GALNT1: variants seen among roughly 807,000 people sequenced by gnomAD.
The protein encoded by GALNT1 is polypeptide N-acetylgalactosaminyltransferase 1.
In GALNT1, 17 loss-of-function variants were observed where a neutral mutation model predicts 65.7. The ratio of observed to expected loss-of-function variants is 0.26; its 90% CI spans 0.18 to 0.39. The LOEUF (loss-of-function observed/expected upper bound fraction) is 0.39. GALNT1 is among the 10% of genes least tolerant of loss of function. The pLI is 1.00. For synonymous variants in GALNT1, 210 were observed against 219.7 expected (o/e 0.96, Z 0.39); for missense variants, 460 against 672.8 (o/e 0.68, Z 3.50).
At chr18:35,605,561 T>A (rs1267983559) in intron 1 of GALNT1, among the ~76,000 whole-genome samples, 1 of 152,052 alleles carries the variant, frequency 6.6e-6, no homozygotes, top group African/African-American at 2.4e-5. Flanking sequence ...TTTTATTTTT[T>A]AAAACTCTTA....
At chr18:35,594,518 T>G (rs912997478) in intron 1 of GALNT1, among the ~76,000 whole-genome samples, 1 of 152,094 alleles carries the variant, frequency 6.6e-6, no homozygotes, top group Non-Finnish European at 1.5e-5. Context: ...TTGCCAGTGT[T>G]TCAGAACTTT....
At chr18:35,628,664 C>T (rs1002533144) in intron 1 of GALNT1, among the ~76,000 whole-genome samples, 1 of 152,248 alleles carries the variant, frequency 6.6e-6, no homozygotes, top group East Asian at 1.9e-4. Flanking sequence ...GAGCACCTCT[C>T]CTCCTCCAAG....
At chr18:35,585,409 C>T (rs1242943945) in intron 1 of GALNT1, among the ~76,000 whole-genome samples, 1 of 152,158 alleles carries the variant, frequency 6.6e-6, no homozygotes, top group Non-Finnish European at 1.5e-5. Context: ...TGATTTATGC[C>T]TCTTGAGTGT....
At chr18:35,628,478 A>C (rs1239077526) in intron 1 of GALNT1, among the ~76,000 whole-genome samples, 2 of 152,226 alleles carry the variant, frequency 1.3e-5, no homozygotes, top group Non-Finnish European at 2.9e-5. Context: ...GACCTCCAGC[A>C]AACTCCAAGA....
intron 6 of GALNT1, among the ~76,000 whole-genome samples, chr18:35,687,461 C>T (rs1463363679): frequency 6.6e-6 from 1 of 152,088 alleles, no homozygotes; most frequent in Non-Finnish European, 1.5e-5. Context: ...TTTGCAAATG[C>T]GTCAGATCTG....
At chr18:35,588,790 G>C (rs931076780) in intron 1 of GALNT1, among the ~76,000 whole-genome samples, 1 of 151,696 alleles carries the variant, frequency 6.6e-6, no homozygotes, top group Admixed American at 6.6e-5. Flanking sequence ...GAGGCTTTTT[G>C]TTTATTTATT....
At chr18:35,639,962 A>T (rs1018308476) in intron 1 of GALNT1, among the ~76,000 whole-genome samples, 17 of 151,928 alleles carry the variant, frequency 1.1e-4, no homozygotes, top group African/African-American at 3.4e-4. Flanking sequence ...ACAGCCGGCT[A>T]ATTTTTGTAT....
intron 1 of GALNT1, among the ~76,000 whole-genome samples, chr18:35,654,322 T>C (rs1195899413): frequency 1.3e-5 from 2 of 152,128 alleles, no homozygotes; most frequent in East Asian, 3.8e-4. Context: ...TATTTTCCTA[T>C]TGGATTGTTG....
At chr18:35,699,908 A>G (rs2048127878) in intron 9 of GALNT1, among the ~76,000 whole-genome samples, 1 of 152,196 alleles carries the variant, frequency 6.6e-6, no homozygotes, top group African/African-American at 2.4e-5. Context: ...TTGGTTATAT[A>G]GTCTTAAAGC....
At chr18:35,703,670 TAA>T (rs1344625833) in intron 11 of GALNT1, 27 bp downstream of exon 11, 31 of 1,608,792 alleles carry the variant, frequency 1.9e-5, no homozygotes, top group Non-Finnish European at 2.5e-5. Flanking sequence ...CCTATAGTAA[TAA>T]AATTATGTGT....
intron 1 of GALNT1, among the ~76,000 whole-genome samples, chr18:35,608,739 ATAAATGCAG>A (rs2144025650): frequency 6.6e-6 from 1 of 152,350 alleles, no homozygotes; most frequent in East Asian, 1.9e-4. Flanking sequence ...ATATAGTATG[ATAAATGCAG>A]TAATAAAGAT....
intron 7 of GALNT1, among the ~76,000 whole-genome samples, chr18:35,690,448 A>G (rs1175279570): frequency 1.3e-5 from 2 of 152,198 alleles, no homozygotes; most frequent in Admixed American, 1.3e-4. Context: ...TACATTCTGC[A>G]CACACAAAAC....
At position 35,710,011 on chromosome 18, in the gene GALNT1, G is replaced by C; in HGVS notation, c.*241G>C. On this transcript the variant is annotated 3_prime_UTR_variant, in exon 12 of 12. Coordinates refer to ENST00000269195, the MANE Select transcript of GALNT1 (RefSeq NM_020474.4). ...TGTGCACACTGATGTTTACAAGATTGAAAGAGTCTTTCTCCGAAAATCATG... is the reference window on the plus strand; with the variant it reads ...TGTGCACACTGATGTTTACAAGATTCAAAGAGTCTTTCTCCGAAAATCATG... 1 of 402,232 alleles carries C rather than the reference G, an allele frequency of 2.5e-6. No individual in the cohort carries two copies. 24.9% of individuals were successfully genotyped at this position (402,232 alleles called of 1,614,324 possible). A position where few individuals can be genotyped will look rare whatever the true frequency, so the allele number is the denominator to read the frequency against.
intron 1 of GALNT1, among the ~76,000 whole-genome samples, chr18:35,645,304 C>A (rs7235721): frequency 7.1e-6 from 1 of 140,926 alleles, no homozygotes; most frequent in Non-Finnish European, 1.5e-5. Flanking sequence ...AATCTCAGCT[C>A]ACTGCAAGTT....
intron 1 of GALNT1, among the ~76,000 whole-genome samples, chr18:35,630,500 A>G (rs1318150016): frequency 6.6e-6 from 1 of 152,206 alleles, no homozygotes; most frequent in Non-Finnish European, 1.5e-5. Context: ...GTTCTTTGAA[A>G]CCAGCAAGAA....
chr18:35,685,734 C>T (rs533447156), intron 5 of GALNT1, among the ~76,000 whole-genome samples: 1 of 152,190 alleles, frequency 6.6e-6, no homozygotes, highest in Admixed American at 6.5e-5. Flanking sequence ...ATAATAGAAA[C>T]AATAAGAATT....
upstream of GALNT1, chr18:35,581,105 T>G (rs2046306089): frequency 6.6e-6 from 1 of 152,006 alleles, no homozygotes; most frequent in Non-Finnish European, 1.5e-5. Context: ...CGCGGCCGCC[T>G]CAGGCAGCCG....
Position 35,611,705 on chromosome 18 carries a change from C to T in GALNT1, c.-104+29843C>T, listed in dbSNP as rs1285177384. Reference sequence around the variant, plus strand: ...GTCTTGAGAGTGGAGGGAATGGCAGCTGGCCAGAGGCTGCCTAGAGCTTGG... The same window carrying T: ...GTCTTGAGAGTGGAGGGAATGGCAGTTGGCCAGAGGCTGCCTAGAGCTTGG... On this transcript the variant is annotated intron_variant, in intron 1 of 11. Coordinates refer to ENST00000269195, the MANE Select transcript of GALNT1 (RefSeq NM_020474.4). Among the ~76,000 whole-genome samples the T allele has an allele frequency of 7.9e-5, 12 of 152,164 alleles. No individual in the cohort carries two copies. In the South Asian group the frequency reaches 1.5e-3, roughly 18 times the overall value.
At chr18:35,628,141 G>A (rs1028758949) in intron 1 of GALNT1, among the ~76,000 whole-genome samples, 1 of 152,202 alleles carries the variant, frequency 6.6e-6, no homozygotes, top group Non-Finnish European at 1.5e-5. Context: ...ACCTCTGGGG[G>A]CAGGGCATAG....
Sources: allele counts gnomAD v4.1 joint callset (sites outside exome capture counted in the v4.1 genomes callset), GRCh38; gene constraint gnomAD v4.1.1; transcripts MANE v1.5; gene names NCBI Gene and HGNC (gene_info 2026-07-23, HGNC 2026-07-21).